Variants in DACH2 observed in about 807,000 individuals in gnomAD.
DACH2 encodes dachshund homolog 2.
Under a neutral mutation model 35.8 loss-of-function variants are expected in DACH2, and 17 were observed. That is an observed-to-expected ratio of 0.48 (90% CI 0.33 to 0.71). DACH2 has a LOEUF of 0.71. DACH2 is among the 30% of genes least tolerant of loss of function. The probability of loss-of-function intolerance (pLI) is 0.02; values close to 1 mark genes in which losing one functional copy is unlikely to be tolerated. For missense variants in DACH2, 469 were observed against 472.7 expected (o/e 0.99, Z 0.07); for synonymous variants, 195 against 177.3 (o/e 1.10, Z -0.79).
chrX:86,634,499 G>A (rs977560950), intron 3 of DACH2, among the ~76,000 whole-genome samples: 1 of 110,467 alleles, frequency 9.1e-6, no homozygotes, highest in Non-Finnish European at 1.9e-5. Flanking sequence ...TTGGAAACAG[G>A]GAAGTCAAAT....
intron 2 of DACH2, among the ~76,000 whole-genome samples, chrX:86,403,618 G>GA: frequency 8.9e-6 from 1 of 112,053 alleles, no homozygotes; most frequent in Admixed American, 9.5e-5. Flanking sequence ...CAGCCACTGG[G>GA]AAAAATAGTT....
chrX:86,474,061 C>T (rs2037802143), intron 2 of DACH2, among the ~76,000 whole-genome samples: 1 of 111,820 alleles, frequency 8.9e-6, no homozygotes, highest in Non-Finnish European at 1.9e-5. Context: ...GCCATTTTAA[C>T]TGGGGTGAGA....
intron 3 of DACH2, among the ~76,000 whole-genome samples, chrX:86,534,109 A>G (rs1325275047): frequency 8.9e-6 from 1 of 112,032 alleles, no homozygotes; most frequent in African/African-American, 3.2e-5. Flanking sequence ...TTCCTATTTG[A>G]ATTTGTTAAT....
intron 1 of DACH2, among the ~76,000 whole-genome samples, chrX:86,211,895 T>G (rs906744048): frequency 8.9e-6 from 1 of 111,899 alleles, no homozygotes; most frequent in Non-Finnish European, 1.9e-5. Context: ...TTTCTGTATG[T>G]GCACTCTGTT....
At chrX:86,797,205 C>T (rs2042248110) in intron 7 of DACH2, among the ~76,000 whole-genome samples, 1 of 110,784 alleles carries the variant, frequency 9.0e-6, no homozygotes, top group East Asian at 2.8e-4. Flanking sequence ...ATGATAGTGA[C>T]TAAAATGTCA....
At chrX:86,467,631 C>T (rs762609197) in intron 2 of DACH2, among the ~76,000 whole-genome samples, 10 of 111,372 alleles carry the variant, frequency 9.0e-5, no homozygotes, top group Admixed American at 2.9e-4. Flanking sequence ...TAGCAGCACC[C>T]CACTCTCTGG....
At chrX:86,756,011 A>G (rs1446128357) in intron 7 of DACH2, among the ~76,000 whole-genome samples, 1 of 111,005 alleles carries the variant, frequency 9.0e-6, no homozygotes, top group African/African-American at 3.3e-5. Context: ...CCCAATGTAT[A>G]TTCTTGGTGC....
At chrX:86,281,870 G>T (rs381340) in intron 1 of DACH2, among the ~76,000 whole-genome samples, 17,541 of 111,159 alleles carry the variant, frequency 0.16, 1,369 homozygotes, top group Admixed American at 0.27. Context: ...GAGAAACAGA[G>T]AACCAAATCA....
chrX:86,661,799 A>G (rs2040607970), intron 4 of DACH2, among the ~76,000 whole-genome samples: 1 of 112,210 alleles, frequency 8.9e-6, no homozygotes, highest in Admixed American at 9.5e-5. Flanking sequence ...TACATTACAT[A>G]TTCACAGATT....
intron 1 of DACH2, among the ~76,000 whole-genome samples, chrX:86,254,189 G>A (rs948655369): frequency 6.3e-5 from 7 of 111,209 alleles, no homozygotes; most frequent in African/African-American, 2.3e-4. Flanking sequence ...CTGACAATTG[G>A]CTAACAATTT....
At chrX:86,562,223 A>T (rs1281036910) in intron 3 of DACH2, among the ~76,000 whole-genome samples, 2 of 110,558 alleles carry the variant, frequency 1.8e-5, no homozygotes, top group Non-Finnish European at 3.8e-5. Flanking sequence ...CAAGAAGGTG[A>T]CACATGTTTT....
chrX:86,379,495 GA>G (rs762164696), intron 2 of DACH2, among the ~76,000 whole-genome samples: 6 of 101,075 alleles, frequency 5.9e-5, no homozygotes, highest in East Asian at 3.1e-4. Context: ...ATCTCTCTAG[GA>G]AAAAAAAAAG....
At chrX:86,469,507 A>T (rs751776970) in intron 2 of DACH2, among the ~76,000 whole-genome samples, 104 of 111,188 alleles carry the variant, frequency 9.4e-4, no homozygotes, top group African/African-American at 3.2e-3. Context: ...AGCCTAAAAG[A>T]CACTTATAAT....
intron 1 of DACH2, chrX:86,161,049 A>G (rs55692359): frequency 1.9e-6 from 2 of 1,042,651 alleles, no homozygotes; most frequent in Admixed American, 2.2e-5. Flanking sequence ...AGTTGCCTCC[A>G]GCATGTTGTC....
intron 7 of DACH2, among the ~76,000 whole-genome samples, chrX:86,763,715 G>A (rs2041905845): frequency 9.0e-6 from 1 of 111,656 alleles, no homozygotes; most frequent in South Asian, 3.7e-4. Flanking sequence ...GCCTCCCAGA[G>A]TGATGTTTAC....
chrX:86,292,748 C>A (rs2034334273), intron 1 of DACH2, among the ~76,000 whole-genome samples: 1 of 111,940 alleles, frequency 8.9e-6, no homozygotes, highest in Non-Finnish European at 1.9e-5. Flanking sequence ...GAGTGAGTTT[C>A]TTAATCCTGG....
chrX:86,651,144 C>G lies in DACH2; in HGVS notation c.749C>G (p.Pro250Arg), dbSNP rs1291352299. 8.3e-7 allele frequency: 1 copy of G among 1,207,261 alleles called. No homozygotes were observed. Among genetic ancestry groups the G allele is most frequent in the Non-Finnish European group, 1.1e-6 (1 of 893,953 alleles). ...AGCCAAAATGGGACCGAATCAGAGC[C>G]TGATGATCTTAATTCTAACACAGGT... ...NGSQNGTESE[P>R]DDLNSNTGGS... Residue 250 changes from proline to arginine, a missense_variant, in exon 4 of 12, where the codon CCT becomes CGT. Coordinates refer to ENST00000373125, the MANE Select transcript of DACH2 (RefSeq NM_053281.3).
At position 86,373,466 on chromosome X, in the gene DACH2, G is replaced by A. The variant is rs149054839; in HGVS notation, c.489-3358G>A. On this transcript the variant is annotated intron_variant, in intron 1 of 11. Coordinates refer to ENST00000373125, the MANE Select transcript of DACH2 (RefSeq NM_053281.3). ...ATTATGTCCCCATGAGGATAAAACA[G>A]ATATGACAGTCTTTGGGAGGACATT... is the stretch of plus-strand genomic sequence containing the variant. Among the ~76,000 whole-genome samples, 913 of 111,102 alleles carry A rather than the reference G, an allele frequency of 8.2e-3. 7 individuals carry two copies. The highest frequency in any genetic ancestry group is 0.028 in the African/African-American group (868 of 30,617).
chrX:86,586,285 T>G (rs1381172527), intron 3 of DACH2, among the ~76,000 whole-genome samples: 1 of 111,617 alleles, frequency 9.0e-6, no homozygotes, highest in Non-Finnish European at 1.9e-5. Flanking sequence ...GCAAATTTGC[T>G]TAAGTTCCTT....
Sources: gnomAD v4.1 joint callset for allele counts (sites outside exome capture counted in the v4.1 genomes callset) on GRCh38, gnomAD v4.1.1 for gene constraint, MANE v1.5 for transcripts, NCBI Gene and HGNC (gene_info 2026-07-23, HGNC 2026-07-21) for gene names.